Variants in TSEN2 observed in about 807,000 individuals in gnomAD.
The protein encoded by TSEN2 is tRNA splicing endonuclease subunit 2.
Under a neutral mutation model 59.2 loss-of-function variants are expected in TSEN2, and 54 were observed. The observed-to-expected ratio is 0.91, with a 90% CI of 0.73 to 1.14. TSEN2 has a LOEUF of 1.14. TSEN2 is among the 50% of genes most tolerant of loss of function. The pLI is 0.00. For missense variants in TSEN2, 636 were observed against 576.2 expected (o/e 1.10, Z -1.06); for synonymous variants, 195 against 198.2 (o/e 0.98, Z 0.14).
intron 4 of TSEN2, among the ~76,000 whole-genome samples, chr3:12,500,096 C>A (rs1396233494): frequency 6.6e-6 from 1 of 152,186 alleles, no homozygotes; most frequent in African/African-American, 2.4e-5. Context: ...CCAGTCCTGT[C>A]ACTGCTTCCA....
Position 12,488,055 on chromosome 3 carries a change from C to T in TSEN2, c.-17-1729C>T, listed in dbSNP as rs564251519. Among the ~76,000 whole-genome samples the T allele has an allele frequency of 2.0e-4, 31 of 152,314 alleles. 1 individual carries two copies. The South Asian group carries it at 5.8e-3, about 29-fold the overall frequency. On this transcript the variant is annotated intron_variant, in intron 1 of 11. Transcript: ENST00000284995. ...TTTAGTCTGTGTTTTTCTGTGTCCT[C>T]ATATAATTCCTCAGCTTCTTCCTTG...
At chr3:12,517,070 G>A (rs956672941) in intron 7 of TSEN2, among the ~76,000 whole-genome samples, 2 of 152,032 alleles carry the variant, frequency 1.3e-5, no homozygotes, top group Non-Finnish European at 2.9e-5. Flanking sequence ...ATAAGGGGCC[G>A]GGCCCGGTGG....
At chr3:12,491,501 A>G (rs915755643) in intron 2 of TSEN2, among the ~76,000 whole-genome samples, 1 of 152,200 alleles carries the variant, frequency 6.6e-6, no homozygotes, top group Non-Finnish European at 1.5e-5. Flanking sequence ...TCCTGCCTTC[A>G]GGCACACTGT....
chr3:12,509,132 A>G (rs2055149741), intron 6 of TSEN2, among the ~76,000 whole-genome samples: 2 of 152,196 alleles, frequency 1.3e-5, no homozygotes. Context: ...ACTGTAAAGT[A>G]AAAGCAGTTG....
At chr3:12,482,335 G>T (rs1052528745), upstream of TSEN2, among the ~76,000 whole-genome samples, 8 of 152,110 alleles carry the variant, frequency 5.3e-5, no homozygotes, top group African/African-American at 1.9e-4. Flanking sequence ...TGGTCAGGCT[G>T]GTCTCGAACT....
At position 12,489,823 on chromosome 3, in the gene TSEN2, C is replaced by A. The variant is rs777829635; in HGVS notation, c.23C>A (p.Ala8Asp). The A allele has an allele frequency of 1.9e-6, 3 of 1,613,684 alleles. No homozygotes were observed. The highest frequency in any genetic ancestry group is 2.5e-6 in the Non-Finnish European group (3 of 1,180,008). ...AAAATGGCAGAAGCAGTTTTCCATG[C>A]CCCAAAGAGGAAAAGAAGAGTGTAT... Reference protein sequence around the residue: MAEAVFHAPKRKRRVYET... With the variant: MAEAVFHDPKRKRRVYET... The change falls in exon 2 of 12, where the codon GCC becomes GAC. Residue 8 changes from alanine (A) to aspartate (D), a missense_variant. By Grantham distance (126) the Ala-to-Asp change is moderately radical. Transcript: ENST00000284995.
chr3:12,530,450 A>G (rs902820888), intron 10 of TSEN2: 3 of 985,602 alleles, frequency 3.0e-6, no homozygotes, highest in Non-Finnish European at 3.6e-6. Context: ...GTTTCACTAT[A>G]TCCTTCGTGT....
chr3:12,529,642 A>T, intron 9 of TSEN2, 120 bp from the exon 10 acceptor site: 1 of 888,124 alleles, frequency 1.1e-6, no homozygotes, highest in Non-Finnish European at 1.7e-6. Context: ...ATTTAGGGGA[A>T]TTTAGAATCA....
downstream of TSEN2, among the ~76,000 whole-genome samples, chr3:12,536,164 G>GT (rs1387317940): frequency 6.6e-6 from 1 of 152,208 alleles, no homozygotes; most frequent in Non-Finnish European, 1.5e-5. Context: ...TGGAGGTAAA[G>GT]TAGTGAAGAC....
At chr3:12,493,188 T>G (rs568475728) in intron 3 of TSEN2, among the ~76,000 whole-genome samples, 1 of 152,214 alleles carries the variant, frequency 6.6e-6, no homozygotes, top group Non-Finnish European at 1.5e-5. Context: ...ACACTTAGAT[T>G]GTTTCTGTAT....
At chr3:12,530,491 C>T in intron 10 of TSEN2, 3 of 985,468 alleles carry the variant, frequency 3.0e-6, no homozygotes, top group African/African-American at 1.7e-5. Context: ...ACTCAGCTTA[C>T]ACAAGGACTA....
At chr3:12,523,024 G>T (rs1224863546) in intron 8 of TSEN2, among the ~76,000 whole-genome samples, 1 of 152,146 alleles carries the variant, frequency 6.6e-6, no homozygotes. Flanking sequence ...TTGTAGCAGA[G>T]GAGTTTGAGG....
chr3:12,531,712 T>A, intron 11 of TSEN2, 53 bp downstream of exon 11: 1 of 1,223,648 alleles, frequency 8.2e-7, no homozygotes, highest in Non-Finnish European at 1.2e-6. Context: ...TGAATCATAG[T>A]GTATCTGGAA....
At position 12,484,518 on chromosome 3, in the gene TSEN2, G is replaced by C. The variant is rs1328491517; in HGVS notation, c.-380G>C. Reference sequence around the variant, plus strand: ...CGGCGAGCGCGTGGGGCCAAGAAAGGTAAGGGCCCTGGGCGAGGAAAGCGC... The same window carrying C: ...CGGCGAGCGCGTGGGGCCAAGAAAGCTAAGGGCCCTGGGCGAGGAAAGCGC... On this transcript the variant is annotated 5_prime_UTR_variant, in exon 1 of 12. Transcript: ENST00000284995. 1 of 152,290 alleles carries C rather than the reference G, an allele frequency of 6.6e-6. No individual in the cohort carries two copies. The highest frequency in any genetic ancestry group is 2.4e-5 in the African/African-American group (1 of 41,478). The allele number at this position is 152,290 out of a possible 1,614,324, so 9.4% of individuals were successfully genotyped here.
intron 8 of TSEN2, among the ~76,000 whole-genome samples, chr3:12,525,440 T>C (rs2125216485): frequency 6.6e-6 from 1 of 152,370 alleles, no homozygotes; most frequent in East Asian, 1.9e-4. Flanking sequence ...GATTTAATTA[T>C]TGCACTAATC....
At chr3:12,526,316 T>A (rs1012328343) in intron 8 of TSEN2, among the ~76,000 whole-genome samples, 1 of 152,216 alleles carries the variant, frequency 6.6e-6, no homozygotes, top group Non-Finnish European at 1.5e-5. Flanking sequence ...GCAGGCTGCA[T>A]TCATAAGTCC....
intron 6 of TSEN2, among the ~76,000 whole-genome samples, chr3:12,512,180 C>T (rs2055545083): frequency 6.6e-6 from 1 of 152,224 alleles, no homozygotes; most frequent in Non-Finnish European, 1.5e-5. Flanking sequence ...CATCCCTCTT[C>T]AAGCTAGCCA....
At chr3:12,536,338 T>C (rs1260825622), downstream of TSEN2, among the ~76,000 whole-genome samples, 1 of 152,172 alleles carries the variant, frequency 6.6e-6, no homozygotes, top group Non-Finnish European at 1.5e-5. Flanking sequence ...CTTTGGAAGA[T>C]TACCTTTGTA....
intron 3 of TSEN2, 150 bp downstream of exon 3, chr3:12,492,367 C>A: frequency 1.5e-6 from 1 of 673,730 alleles, no homozygotes; most frequent in Non-Finnish European, 2.6e-6. Flanking sequence ...TAATTCTAAT[C>A]AAAGCAAAAG....
Sources: allele counts gnomAD v4.1 joint callset (sites outside exome capture counted in the v4.1 genomes callset), GRCh38; gene constraint gnomAD v4.1.1; transcripts MANE v1.5; gene names NCBI Gene and HGNC (gene_info 2026-07-23, HGNC 2026-07-21).